The following CLSTN1 variants were observed in gnomAD, a reference collection of about 807,000 sequenced individuals.
The protein encoded by CLSTN1 is calsyntenin 1, also known as calsyntenin-1.
In CLSTN1, 28 loss-of-function variants were observed where a neutral mutation model predicts 108.3. The observed-to-expected ratio is 0.26, with a 90% CI of 0.19 to 0.35. CLSTN1 has a LOEUF of 0.35. Among genes scored for constraint, CLSTN1 ranks in the 10% least tolerant of loss-of-function variants. The pLI, the probability that CLSTN1 is intolerant of heterozygous loss-of-function variation, is 1.00. For synonymous variants in CLSTN1, 524 were observed against 534.9 expected, an observed-to-expected ratio of 0.98 and a Z score of 0.28; for missense variants, 1,157 against 1,302.6, an observed-to-expected ratio of 0.89 and a Z score of 1.72.
At chr1:9,811,846 AG>A (rs1654772832) in intron 1 of CLSTN1, among the ~76,000 whole-genome samples, 1 of 152,202 alleles carries the variant, frequency 6.6e-6, no homozygotes, top group Admixed American at 6.5e-5. Flanking sequence ...TCATTTTAAA[AG>A]TAAACATAGG....
intron 1 of CLSTN1, among the ~76,000 whole-genome samples, chr1:9,801,177 G>A (rs373046279): frequency 3.3e-5 from 5 of 152,180 alleles, no homozygotes; most frequent in Non-Finnish European, 7.4e-5. Context: ...CCCAGGCGGC[G>A]GAGGTTGCAG....
At chr1:9,805,704 T>A (rs1193110266) in intron 1 of CLSTN1, among the ~76,000 whole-genome samples, 1 of 151,584 alleles carries the variant, frequency 6.6e-6, no homozygotes, top group Non-Finnish European at 1.5e-5. Context: ...CCATCTCTAC[T>A]AAAAATACAA....
At chr1:9,788,973 T>C (rs1425364389) in intron 1 of CLSTN1, among the ~76,000 whole-genome samples, 4 of 151,336 alleles carry the variant, frequency 2.6e-5, no homozygotes, top group African/African-American at 9.7e-5. Flanking sequence ...ATTAGCATAA[T>C]GTCCTCGAGG....
intron 1 of CLSTN1, among the ~76,000 whole-genome samples, chr1:9,818,962 A>ATT (rs60856261): frequency 1.7e-4 from 25 of 147,380 alleles, no homozygotes; most frequent in East Asian, 1.2e-3. Flanking sequence ...AATTTTTTGT[A>ATT]TTTTTTTTTA....
At chr1:9,796,196 A>G (rs1482633496) in intron 1 of CLSTN1, among the ~76,000 whole-genome samples, 1 of 148,044 alleles carries the variant, frequency 6.8e-6, no homozygotes, top group African/African-American at 2.5e-5. Context: ...TAGGAGGCAG[A>G]GGTTGCAGTG....
At chr1:9,810,343 G>A (rs1017946602) in intron 1 of CLSTN1, among the ~76,000 whole-genome samples, 2 of 149,574 alleles carry the variant, frequency 1.3e-5, no homozygotes, top group African/African-American at 4.9e-5. Flanking sequence ...AGGTGTGGGA[G>A]TGTACACCTG....
intron 1 of CLSTN1, among the ~76,000 whole-genome samples, chr1:9,800,722 T>A (rs1161087133): frequency 1.5e-5 from 2 of 137,402 alleles, no homozygotes; most frequent in African/African-American, 5.8e-5. Context: ...AGAGTGAGAT[T>A]CCATCTCAAA....
intron 15 of CLSTN1, among the ~76,000 whole-genome samples, 169 bp downstream of exon 15, chr1:9,733,803 G>C (rs1650533898): frequency 1.3e-5 from 2 of 152,186 alleles, no homozygotes; most frequent in Non-Finnish European, 2.9e-5. Context: ...ACCTGTCCAG[G>C]AGACAGGAGT....
At chr1:9,789,102 C>T (rs547665830) in intron 1 of CLSTN1, among the ~76,000 whole-genome samples, 2 of 151,578 alleles carry the variant, frequency 1.3e-5, no homozygotes, top group South Asian at 4.3e-4. Flanking sequence ...TTGCTTCCAC[C>T]TTTTGGCCAT....
At position 9,731,199 on chromosome 1, in the gene CLSTN1, C is replaced by A; in HGVS notation, c.2748+7G>T. The A allele has an allele frequency of 6.2e-7, 1 of 1,614,166 alleles. No homozygotes were observed. Among genetic ancestry groups the A allele is most frequent in the Non-Finnish European group, 8.5e-7 (1 of 1,180,040 alleles). On this transcript the variant is annotated splice_region_variant and intron_variant, in intron 18 of 18. Transcript: ENST00000377298. The stretch of plus-strand genomic sequence containing the variant: ...CTCAGTCCTGGAGGTCGCCCGCCCA[C>A]TCCTACCTCCATGGGGTTGACGGTG...
chr1:9,782,936 G>A (rs934192017), intron 1 of CLSTN1, among the ~76,000 whole-genome samples: 15 of 152,244 alleles, frequency 9.9e-5, no homozygotes, highest in Admixed American at 4.6e-4. Context: ...GAACCTGGGA[G>A]GCGGAGGCTG....
chr1:9,749,589 T>C lies in CLSTN1; in HGVS notation c.857A>G (p.Asn286Ser). ...PGTGALAVFP[N>S]IHLETCDEPV... Reference sequence around the variant, plus strand: ...CTCGTCACATGTCTCCAGGTGGATATTTGGAAAGACGGCCAACGCGCCGGT... The same window carrying C: ...CTCGTCACATGTCTCCAGGTGGATACTTGGAAAGACGGCCAACGCGCCGGT... Residue 286 changes from asparagine (N) to serine (S), a missense_variant, in exon 7 of 19, where the codon AAT (asparagine) becomes AGT (serine). Coordinates refer to ENST00000377298, the MANE Select transcript of CLSTN1 (RefSeq NM_001009566.3). The C allele has an allele frequency of 6.2e-7, 1 of 1,614,216 alleles. No homozygotes were observed. The highest frequency in any genetic ancestry group is 8.5e-7 in the Non-Finnish European group (1 of 1,180,040).
At chr1:9,819,485 C>T (rs1368808123) in intron 1 of CLSTN1, among the ~76,000 whole-genome samples, 4 of 152,240 alleles carry the variant, frequency 2.6e-5, no homozygotes, top group Admixed American at 2.6e-4. Flanking sequence ...TGGTCATATT[C>T]TTCATAACTA....
rs1258041083 is a variant in CLSTN1 at position 9,735,567 on chromosome 1, G to C, written c.1783C>G (p.Leu595Val). ...TGCATGGCCTTATCCAATTCCCCGA[G>C]GTCTTCTCCCTCCAAGGTCAATACC... The part of the protein sequence containing the change: ...QLVLTLEGED[L>V]GELDKAMQHI... The change falls in exon 13 of 19, where the codon CTC becomes GTC. Residue 595 changes from leucine (L) to valine (V), a missense_variant. Coordinates refer to ENST00000377298, the MANE Select transcript of CLSTN1 (RefSeq NM_001009566.3). The C allele has an allele frequency of 1.9e-6, 3 of 1,614,112 alleles. No homozygotes were observed. The highest frequency in any genetic ancestry group is 1.7e-5 in the Admixed American group (1 of 60,014).
Position 9,730,983 on chromosome 1 carries a change from C to T in CLSTN1, c.2748+223G>A, listed in dbSNP as rs1650350838. The stretch of plus-strand genomic sequence containing the variant: ...TCTCAGGATTACCATGACCCAAGAG[C>T]GCCAAGCCCTGGCATGGCTCTTCTC... On this transcript the variant is annotated intron_variant, in intron 18 of 18. Coordinates refer to ENST00000377298, the MANE Select transcript of CLSTN1 (RefSeq NM_001009566.3). This position sits in a 1 kb window ranked among gnomAD's most constrained non-coding sequence, Gnocchi z 5.6. 5 of 637,228 alleles carry T rather than the reference C, an allele frequency of 7.8e-6. No individual in the cohort carries two copies. Among genetic ancestry groups the T allele is most frequent in the Non-Finnish European group, 1.4e-5 (5 of 368,290 alleles). The allele number at this position is 637,228 out of a possible 1,614,324, so 39.5% of individuals were successfully genotyped here.
chr1:9,747,647 G>A (rs931013723), intron 7 of CLSTN1, among the ~76,000 whole-genome samples: 1 of 151,728 alleles, frequency 6.6e-6, no homozygotes, highest in Non-Finnish European at 1.5e-5. Context: ...TAGGCACCTC[G>A]CACCACGCCT....
intron 2 of CLSTN1, among the ~76,000 whole-genome samples, 161 bp downstream of exon 2, chr1:9,773,110 CA>C (rs1252877024): frequency 6.6e-6 from 1 of 152,040 alleles, no homozygotes; most frequent in African/African-American, 2.4e-5. Context: ...TCAGCTACCC[CA>C]ACTATTAAAA....
intron 1 of CLSTN1, 40 bp from the exon 2 acceptor site, chr1:9,773,434 A>T (rs760491030): frequency 1.3e-5 from 20 of 1,551,062 alleles, no homozygotes; most frequent in African/African-American, 2.8e-5. Flanking sequence ...CAAGGTTAGA[A>T]ATATTATTTT....
At chr1:9,804,510 A>G (rs528604762) in intron 1 of CLSTN1, among the ~76,000 whole-genome samples, 1 of 152,228 alleles carries the variant, frequency 6.6e-6, no homozygotes, top group Admixed American at 6.5e-5. Context: ...TCCAGGCCAT[A>G]TGGAGTTCAA....
Sources: allele counts gnomAD v4.1 joint callset (sites outside exome capture counted in the v4.1 genomes callset), GRCh38; gene constraint gnomAD v4.1.1; non-coding constraint Gnocchi (gnomAD v3.1); transcripts MANE v1.5; gene names NCBI Gene and HGNC (gene_info 2026-07-23, HGNC 2026-07-21).